The following DHX9 variants were observed in gnomAD, a reference collection of about 807,000 sequenced individuals.
DHX9 encodes the protein ATP-dependent RNA helicase A.
A neutral mutation model predicts 148.7 loss-of-function variants in DHX9; 27 were observed. That is an observed-to-expected ratio of 0.18 (90% CI 0.13 to 0.25). The LOEUF (loss-of-function observed/expected upper bound fraction) is 0.25. Ranked by LOEUF, DHX9 falls within the 10% of genes least tolerant of loss-of-function variation. DHX9 has a pLI of 1.00. For synonymous variants in DHX9, 529 were observed against 516.6 expected (o/e 1.02, Z -0.33); for missense variants, 796 against 1,559.6 (o/e 0.51, Z 8.25).
At chr1:182,854,584 T>G (rs1668221432) in intron 6 of DHX9, among the ~76,000 whole-genome samples, 1 of 152,118 alleles carries the variant, frequency 6.6e-6, no homozygotes, top group South Asian at 2.1e-4. Flanking sequence ...ATACTTAAGC[T>G]TTGAGTCCCA....
intron 3 of DHX9, among the ~76,000 whole-genome samples, chr1:182,851,155 C>T (rs1460345335): frequency 6.6e-6 from 1 of 152,096 alleles, no homozygotes; most frequent in African/African-American, 2.4e-5. Flanking sequence ...GGAACACTAT[C>T]CTTCAAGGTA....
rs1668336651 is a variant in DHX9, at chr1:182,860,283, A to G, written c.1332+99A>G. On this transcript the variant is annotated intron_variant, in intron 12 of 27. Transcript: ENST00000367549. The stretch of plus-strand genomic sequence containing the variant: ...TGTAATTATTTAAGATTGAGAGAGC[A>G]TTGTGCCCTTGAAATTAAATTTAAA... 1.2e-5 allele frequency: 12 copies of G among 1,003,778 alleles called. No homozygotes were observed. The Admixed American group carries it at 2.7e-4, about 22-fold the overall frequency. The allele number at this position is 1,003,778 out of a possible 1,614,324, so 62.2% of individuals were successfully genotyped here.
intron 12 of DHX9, among the ~76,000 whole-genome samples, chr1:182,861,911 A>G (rs1668370048): frequency 6.6e-6 from 1 of 152,238 alleles, no homozygotes; most frequent in Admixed American, 6.5e-5. Flanking sequence ...TGAAAGTCTC[A>G]ACTAAACATT....
chr1:182,883,527 C>T lies in DHX9; in HGVS notation c.3152C>T (p.Thr1051Ile), dbSNP rs1649181177. Residue 1051 changes from threonine (T) to isoleucine (I), a missense_variant, in exon 26 of 28, where the codon ACT becomes ATT. By Grantham distance (89) the Thr-to-Ile change is moderately conservative. Coordinates refer to ENST00000367549, the MANE Select transcript of DHX9 (RefSeq NM_001357.5). Reference sequence around the variant, plus strand: ...CTCTTTCTCCATTTGCAGATTCGAACTCGAGCCATCTCTGCTAAAGGCATG... The same window carrying T: ...CTCTTTCTCCATTTGCAGATTCGAATTCGAGCCATCTCTGCTAAAGGCATG... ...PFFVFGEKIR[T>I]RAISAKGMTL... The T allele has an allele frequency of 1.2e-6, 2 of 1,613,310 alleles. No individual in the cohort carries two copies. Among genetic ancestry groups the T allele is most frequent in the Non-Finnish European group, 1.7e-6 (2 of 1,179,644 alleles).
At chr1:182,883,091 G>A in intron 24 of DHX9, 48 bp from the exon 25 acceptor site, 1 of 1,259,064 alleles carries the variant, frequency 7.9e-7, no homozygotes, top group African/African-American at 1.5e-5. Context: ...GTAATGTGAA[G>A]ATCAGCCAGT....
chr1:182,867,857 T>C lies in DHX9; in HGVS notation c.1557+814T>C, dbSNP rs114538385. 5.7e-3 allele frequency among the ~76,000 whole-genome samples: 872 copies of C among 152,364 alleles called. 7 individuals are homozygous for C. The highest frequency in any genetic ancestry group is 0.018 in the African/African-American group (761 of 41,586). ...GACAAAAAAACTGTGTAAAATCAAC[T>C]TGCTATGCAATTAAATGATATGAAA... is the stretch of plus-strand genomic sequence containing the variant. On this transcript the variant is annotated intron_variant, in intron 14 of 27. Transcript: ENST00000367549.
At chr1:182,876,007 G>A (rs1557977227) in intron 16 of DHX9, 43 bp from the exon 17 acceptor site, 2 of 1,516,446 alleles carry the variant, frequency 1.3e-6, no homozygotes, top group South Asian at 2.3e-5. Flanking sequence ...TACCTCATGA[G>A]TAACTGAGAC....
At chr1:182,871,210 TTAG>T (rs1314859764) in intron 14 of DHX9, among the ~76,000 whole-genome samples, 1 of 152,118 alleles carries the variant, frequency 6.6e-6, no homozygotes, top group Admixed American at 6.5e-5. Context: ...AGTAAACAAC[TTAG>T]TAGAAAAATG....
chr1:182,879,508 TGTA>T, intron 21 of DHX9, 98 bp downstream of exon 21: 2 of 1,184,682 alleles, frequency 1.7e-6, no homozygotes, highest in Non-Finnish European at 2.2e-6. Flanking sequence ...ATGATGAAGA[TGTA>T]GTCAACAGGG....
At chr1:182,864,871 G>A (rs1374555766) in intron 12 of DHX9, among the ~76,000 whole-genome samples, 1 of 152,140 alleles carries the variant, frequency 6.6e-6, no homozygotes, top group Non-Finnish European at 1.5e-5. Context: ...AACTAAAATA[G>A]ATAACTGCTT....
At chr1:182,840,783 ATAGC>A (rs1402995245) in intron 1 of DHX9, among the ~76,000 whole-genome samples, 2 of 152,170 alleles carry the variant, frequency 1.3e-5, no homozygotes, top group African/African-American at 4.8e-5. Flanking sequence ...TCTACAAGGG[ATAGC>A]TATGGAGAAT....
intron 12 of DHX9, among the ~76,000 whole-genome samples, chr1:182,861,814 TG>T (rs757209160): frequency 2.0e-5 from 3 of 152,246 alleles, no homozygotes; most frequent in Non-Finnish European, 2.9e-5. Context: ...TCCTAGCGTT[TG>T]TCCCAAAATC....
chr1:182,855,144 A>G (rs1420306335), intron 6 of DHX9, among the ~76,000 whole-genome samples: 1 of 152,146 alleles, frequency 6.6e-6, no homozygotes, highest in African/African-American at 2.4e-5. Context: ...CTGAATTCTC[A>G]GATATTTCTG....
chr1:182,852,622 T>C (rs1024177086), intron 4 of DHX9, among the ~76,000 whole-genome samples: 3 of 152,238 alleles, frequency 2.0e-5, no homozygotes, highest in East Asian at 1.9e-4. Context: ...AAGAATCTTA[T>C]GAATTGCCTT....
At chr1:182,841,300 AAG>A (rs539781972) in intron 1 of DHX9, among the ~76,000 whole-genome samples, 16 of 152,278 alleles carry the variant, frequency 1.1e-4, no homozygotes, top group Middle Eastern at 3.4e-3. Flanking sequence ...CAAAAAAAAA[AAG>A]AGAGAAAAGA....
At chr1:182,862,648 G>A (rs1668383801) in intron 12 of DHX9, among the ~76,000 whole-genome samples, 1 of 152,154 alleles carries the variant, frequency 6.6e-6, no homozygotes, top group South Asian at 2.1e-4. Flanking sequence ...TTGACATTTT[G>A]TGGCAGCTTA....
In DHX9 at chr1:182,872,290, T is replaced by A. The variant is rs760492542; in HGVS notation, c.1558-47T>A. On this transcript the variant is annotated intron_variant, in intron 14 of 27. Transcript: ENST00000367549. Reference sequence around the variant, plus strand: ...TAACTCTTTTAGGCATAGCTTGTTATATAAACTTAATGTAATTTCAAAAAT... The same window carrying A: ...TAACTCTTTTAGGCATAGCTTGTTAAATAAACTTAATGTAATTTCAAAAAT... 7.8e-6 allele frequency: 12 copies of A among 1,528,876 alleles called. No homozygotes were observed. The East Asian group carries it at 2.3e-4, about 29-fold the overall frequency. 94.7% of individuals were successfully genotyped at this position (1,528,876 alleles called of 1,614,324 possible).
At chr1:182,854,896 T>A (rs1416917394) in intron 6 of DHX9, among the ~76,000 whole-genome samples, 1 of 152,194 alleles carries the variant, frequency 6.6e-6, no homozygotes, top group African/African-American at 2.4e-5. Flanking sequence ...GCGATGTATT[T>A]TTATTAGAAC....
At chr1:182,847,101 T>C (rs1226669580) in intron 3 of DHX9, among the ~76,000 whole-genome samples, 1 of 152,190 alleles carries the variant, frequency 6.6e-6, no homozygotes, top group Non-Finnish European at 1.5e-5. Context: ...TCATTCGTTA[T>C]AAGTGTATGT....
Sources: allele counts gnomAD v4.1 joint callset (sites outside exome capture counted in the v4.1 genomes callset), GRCh38; gene constraint gnomAD v4.1.1; transcripts MANE v1.5; gene names NCBI Gene and HGNC (gene_info 2026-07-23, HGNC 2026-07-21).